The following MAP7 variants were observed in gnomAD, a reference collection of about 807,000 sequenced individuals.
MAP7 encodes ensconsin.
Under a neutral mutation model 94.8 loss-of-function variants are expected in MAP7, and 52 were observed. The observed-to-expected ratio is 0.55, with a 90% confidence interval of 0.44 to 0.69. MAP7 has a LOEUF of 0.69. Ranked by LOEUF, MAP7 falls within the 30% of genes least tolerant of loss-of-function variation. The probability of loss-of-function intolerance (pLI) is 0.00; values close to 1 mark genes in which losing one functional copy is unlikely to be tolerated. For synonymous variants in MAP7, 350 were observed against 357.0 expected (o/e 0.98, Z 0.22); for missense variants, 940 against 964.6 (o/e 0.97, Z 0.34).
At chr6:136,456,744 A>G (rs1449759335) in intron 1 of MAP7, among the ~76,000 whole-genome samples, 29 of 67,350 alleles carry the variant, frequency 4.3e-4, no homozygotes, top group African/African-American at 3.8e-4. Context: ...GGAAGAGGAG[A>G]AGGAGGAGGA....
intron 1 of MAP7, among the ~76,000 whole-genome samples, chr6:136,493,545 G>T (rs1817344125): frequency 6.6e-6 from 1 of 152,138 alleles, no homozygotes; most frequent in South Asian, 2.1e-4. Flanking sequence ...CACTGGATCA[G>T]GTGGGGCTAC....
intron 1 of MAP7, among the ~76,000 whole-genome samples, chr6:136,494,065 C>G (rs773787614): frequency 5.9e-5 from 9 of 152,112 alleles, no homozygotes; most frequent in Non-Finnish European, 1.2e-4. Flanking sequence ...AGGCTGAAAT[C>G]TATGACATGG....
intron 1 of MAP7, among the ~76,000 whole-genome samples, chr6:136,506,826 T>C (rs1380046269): frequency 1.3e-5 from 2 of 152,220 alleles, no homozygotes; most frequent in Non-Finnish European, 2.9e-5. Flanking sequence ...ACTAGTAATA[T>C]GCACCTGTAA....
At chr6:136,379,769 C>T (rs1777219029) in intron 6 of MAP7, among the ~76,000 whole-genome samples, 1 of 152,268 alleles carries the variant, frequency 6.6e-6, no homozygotes, top group South Asian at 2.1e-4. Flanking sequence ...CTGAAGGCAT[C>T]GACCAAAAAA....
intron 16 of MAP7, among the ~76,000 whole-genome samples, chr6:136,347,983 A>G (rs889927633): frequency 6.6e-6 from 1 of 151,884 alleles, no homozygotes; most frequent in Non-Finnish European, 1.5e-5. Context: ...AAGTCTCCAC[A>G]AGAGTACAGT....
At chr6:136,409,645 G>A (rs1016808058) in intron 3 of MAP7, among the ~76,000 whole-genome samples, 1 of 152,194 alleles carries the variant, frequency 6.6e-6, no homozygotes, top group Admixed American at 6.5e-5. Context: ...GAACTTGGGT[G>A]GCACCTGGCA....
chr6:136,548,325 C>CA lies in MAP7; in HGVS notation c.67+2016dup, dbSNP rs1034278463. On this transcript the variant is annotated intron_variant, in intron 1 of 17. Transcript: ENST00000354570. ...TCTCAAAATAACTACCACCTAGATTCAAAAAAATACATTTACACCTTCCTT... is the reference window on the plus strand; with the variant it reads ...TCTCAAAATAACTACCACCTAGATTCAAAAAAAATACATTTACACCTTCCTT... Among the ~76,000 whole-genome samples, 6 of 152,036 alleles carry CA rather than the reference C, an allele frequency of 3.9e-5. No homozygotes were observed. The South Asian group carries it at 6.2e-4, about 16-fold the overall frequency.
At chr6:136,456,767 G>GGAGGAAGAA (rs1179338276) in intron 1 of MAP7, among the ~76,000 whole-genome samples, 3,513 of 60,368 alleles carry the variant, frequency 0.058, 138 homozygotes, top group Non-Finnish European at 0.062. Context: ...AGGAGGAGGA[G>GGAGGAAGAA]GAAGAAGAAG....
At chr6:136,534,605 ATCT>A (rs1315826208) in intron 1 of MAP7, among the ~76,000 whole-genome samples, 5 of 152,202 alleles carry the variant, frequency 3.3e-5, no homozygotes, top group African/African-American at 1.2e-4. Flanking sequence ...AATGATCATA[ATCT>A]TCATTGAATA....
chr6:136,466,908 ATCTCTCACACAGCT>A (rs959783726), intron 1 of MAP7: 60 of 1,494,976 alleles, frequency 4.0e-5, no homozygotes, highest in Non-Finnish European at 5.3e-5. Context: ...GCTAACTATT[ATCTCTCACACAGCT>A]TGAGGTAGCT....
At chr6:136,535,668 T>C (rs1399497655) in intron 1 of MAP7, among the ~76,000 whole-genome samples, 1 of 151,882 alleles carries the variant, frequency 6.6e-6, no homozygotes, top group Non-Finnish European at 1.5e-5. Flanking sequence ...ATTATAAAGA[T>C]ATAAGATATT....
At chr6:136,480,665 A>AAAAAG (rs1562448256) in intron 1 of MAP7, among the ~76,000 whole-genome samples, 16 of 150,560 alleles carry the variant, frequency 1.1e-4, no homozygotes, top group African/African-American at 2.4e-4. Context: ...AAAAAAAAAA[A>AAAAAG]AAAAGAAAAG....
intron 3 of MAP7, among the ~76,000 whole-genome samples, chr6:136,402,925 AAAAAAAAAAAAAAAAAGAAAG>A (rs1221876789): frequency 6.8e-6 from 1 of 147,574 alleles, no homozygotes; most frequent in African/African-American, 2.6e-5. Context: ...AAAAAAAAAA[AAAAAAAAAAAAAAAAAGAAAG>A]AAAAAGAAAA....
chr6:136,399,990 G>A (rs377243351), intron 3 of MAP7, among the ~76,000 whole-genome samples: 3 of 152,128 alleles, frequency 2.0e-5, no homozygotes, highest in Non-Finnish European at 4.4e-5. Flanking sequence ...TAATAGAATG[G>A]AAAAGTTTAG....
intron 1 of MAP7, among the ~76,000 whole-genome samples, chr6:136,522,998 G>A (rs1826832864): frequency 6.6e-6 from 1 of 151,940 alleles, no homozygotes; most frequent in African/African-American, 2.4e-5. Flanking sequence ...TCATGCCATT[G>A]GACTCCAGCT....
Position 136,464,680 on chromosome 6 carries a change from T to C in MAP7, c.68-42881A>G, listed in dbSNP as rs528212867. Among the ~76,000 whole-genome samples, 3 of 152,198 alleles carry C rather than the reference T, an allele frequency of 2.0e-5. No individual in the cohort carries two copies. In the South Asian group the frequency reaches 6.2e-4, roughly 32 times the overall value. ...ACTCCTGATTTTATATAAAACCATA[T>C]CTTTTTGGTCATTTTGTTTGTCTTT... On this transcript the variant is annotated intron_variant, in intron 1 of 17. Transcript: ENST00000354570.
chr6:136,470,807 T>C (rs1808725841), intron 1 of MAP7, among the ~76,000 whole-genome samples: 1 of 152,136 alleles, frequency 6.6e-6, no homozygotes, highest in East Asian at 1.9e-4. Context: ...TTCTACCAGA[T>C]AACTGAAAGC....
intron 7 of MAP7, among the ~76,000 whole-genome samples, chr6:136,376,506 TCTC>T (rs1162232591): frequency 6.6e-6 from 1 of 152,220 alleles, no homozygotes; most frequent in Non-Finnish European, 1.5e-5. Context: ...AGCTGTACTT[TCTC>T]CTCCTCCAGG....
intron 1 of MAP7, among the ~76,000 whole-genome samples, chr6:136,492,956 C>T (rs149135919): frequency 8.1e-4 from 123 of 151,902 alleles, no homozygotes; most frequent in African/African-American, 2.8e-3. Flanking sequence ...ATCCTTTGTC[C>T]TAGAACTAAA....
Sources: gnomAD v4.1 joint callset for allele counts (sites outside exome capture counted in the v4.1 genomes callset) on GRCh38, gnomAD v4.1.1 for gene constraint, MANE v1.5 for transcripts, NCBI Gene and HGNC (gene_info 2026-07-23, HGNC 2026-07-21) for gene names.